KCNH7: variants seen among roughly 807,000 people sequenced by gnomAD.
KCNH7 encodes the protein voltage-gated inwardly rectifying potassium channel KCNH7.
A neutral mutation model predicts 120.8 loss-of-function variants in KCNH7; 49 were observed. That is an observed-to-expected ratio of 0.41 (90% CI 0.32 to 0.51). KCNH7 has a LOEUF of 0.51. Among genes scored for constraint, KCNH7 ranks in the 20% least tolerant of loss-of-function variants. The probability of loss-of-function intolerance (pLI) is 0.38; values close to 1 mark genes in which losing one functional copy is unlikely to be tolerated. For missense variants in KCNH7, 1,097 were observed against 1,446.6 expected (o/e 0.76, Z 3.92); for synonymous variants, 547 against 516.1 (o/e 1.06, Z -0.81).
At chr2:162,748,094 GCACTAAA>G in intron 2 of KCNH7, among the ~76,000 whole-genome samples, 1 of 152,228 alleles carries the variant, frequency 6.6e-6, no homozygotes, top group Non-Finnish European at 1.5e-5. Context: ...TCTTTAAAAA[GCACTAAA>G]CACTAAACAC....
rs375497938 is a variant in KCNH7, at chr2:162,789,396, C to T, written c.307+47141G>A. ...TATAACTGAAGGGAGAAGTAAACAGCAATACAATAATAGTAGAAGACTTTA... is the reference window on the plus strand; with the variant it reads ...TATAACTGAAGGGAGAAGTAAACAGTAATACAATAATAGTAGAAGACTTTA... On this transcript the variant is annotated intron_variant, in intron 2 of 15. Coordinates refer to ENST00000332142, the MANE Select transcript of KCNH7 (RefSeq NM_033272.4). Among the ~76,000 whole-genome samples, 4 of 151,832 alleles carry T rather than the reference C, an allele frequency of 2.6e-5. No individual in the cohort carries two copies. The South Asian group carries it at 8.3e-4, about 32-fold the overall frequency.
chr2:162,594,438 A>T (rs1218110012), intron 2 of KCNH7, among the ~76,000 whole-genome samples: 1 of 151,990 alleles, frequency 6.6e-6, no homozygotes, highest in Non-Finnish European at 1.5e-5. Context: ...TAAAACAGAG[A>T]CTACTTCCAA....
intron 2 of KCNH7, among the ~76,000 whole-genome samples, chr2:162,798,723 T>A (rs1434895252): frequency 6.6e-6 from 1 of 152,038 alleles, no homozygotes; most frequent in East Asian, 1.9e-4. Flanking sequence ...TAAAACTGTA[T>A]CTTAAAAAGA....
At chr2:162,601,246 T>C (rs1241034561) in intron 2 of KCNH7, among the ~76,000 whole-genome samples, 1 of 151,904 alleles carries the variant, frequency 6.6e-6, no homozygotes, top group East Asian at 1.9e-4. Context: ...GGGCAAATAC[T>C]ATCAGCAGAC....
At chr2:162,651,976 ATTC>A (rs1684582367) in intron 2 of KCNH7, among the ~76,000 whole-genome samples, 1 of 152,120 alleles carries the variant, frequency 6.6e-6, no homozygotes, top group Admixed American at 6.5e-5. Flanking sequence ...TTTTTTTCAT[ATTC>A]TTCTTGGCCA....
intron 2 of KCNH7, among the ~76,000 whole-genome samples, chr2:162,807,753 G>T (rs1684601255): frequency 2.0e-5 from 3 of 151,926 alleles, no homozygotes; most frequent in Middle Eastern, 6.8e-3. Flanking sequence ...CGCAATCTCG[G>T]CTCACTGCAA....
intron 9 of KCNH7, among the ~76,000 whole-genome samples, chr2:162,417,662 T>C (rs1408084250): frequency 6.6e-6 from 1 of 152,144 alleles, no homozygotes; most frequent in Non-Finnish European, 1.5e-5. Flanking sequence ...TTTCTTGACT[T>C]AAGATGGGCT....
chr2:162,444,291 G>A (rs1403658062), intron 7 of KCNH7, among the ~76,000 whole-genome samples: 1 of 152,064 alleles, frequency 6.6e-6, no homozygotes, highest in African/African-American at 2.4e-5. Context: ...GACAGTGGCT[G>A]TCACTTTGAA....
At chr2:162,387,704 A>G (rs1175332551) in intron 12 of KCNH7, among the ~76,000 whole-genome samples, 1 of 151,612 alleles carries the variant, frequency 6.6e-6, no homozygotes, top group East Asian at 1.9e-4. Flanking sequence ...TTTTTACAGA[A>G]CACAATTCTA....
intron 2 of KCNH7, among the ~76,000 whole-genome samples, chr2:162,822,335 G>T (rs1209089776): frequency 6.6e-6 from 1 of 151,774 alleles, no homozygotes; most frequent in Non-Finnish European, 1.5e-5. Flanking sequence ...TGGGTACCTG[G>T]AGCTGTTTTA....
At chr2:162,573,286 C>T (rs900373069) in intron 2 of KCNH7, among the ~76,000 whole-genome samples, 1 of 151,932 alleles carries the variant, frequency 6.6e-6, no homozygotes, top group African/African-American at 2.4e-5. Flanking sequence ...GTGAGAACAT[C>T]AAGGGTAAGA....
intron 2 of KCNH7, among the ~76,000 whole-genome samples, chr2:162,683,710 G>T (rs539701042): frequency 6.6e-6 from 1 of 151,844 alleles, no homozygotes; most frequent in South Asian, 2.1e-4. Context: ...TTTAGTACTT[G>T]TTGGGTGCCT....
intron 2 of KCNH7, among the ~76,000 whole-genome samples, chr2:162,564,401 G>A (rs912862060): frequency 4.6e-5 from 7 of 152,148 alleles, no homozygotes; most frequent in Non-Finnish European, 8.8e-5. Flanking sequence ...TGTTACATTT[G>A]CAGAATTCTT....
intron 2 of KCNH7, among the ~76,000 whole-genome samples, chr2:162,703,607 T>C (rs957057470): frequency 7.2e-5 from 11 of 152,176 alleles, no homozygotes; most frequent in African/African-American, 2.7e-4. Context: ...ACGGAGAATG[T>C]TAAACATTGT....
intron 2 of KCNH7, among the ~76,000 whole-genome samples, chr2:162,692,271 A>G (rs1029910083): frequency 2.6e-5 from 4 of 151,956 alleles, no homozygotes; most frequent in African/African-American, 9.7e-5. Context: ...GACAATAGGC[A>G]CACGCCACCA....
At chr2:162,395,156 T>C (rs1204789314) in intron 11 of KCNH7, among the ~76,000 whole-genome samples, 2 of 151,980 alleles carry the variant, frequency 1.3e-5, no homozygotes, top group African/African-American at 2.4e-5. Flanking sequence ...TAATAAATAG[T>C]AGGCTATCAG....
intron 2 of KCNH7, among the ~76,000 whole-genome samples, chr2:162,566,014 A>G (rs1693237821): frequency 6.6e-6 from 1 of 152,048 alleles, no homozygotes; most frequent in African/African-American, 2.4e-5. Context: ...ATATTATTTT[A>G]TGTTTTAAGA....
intron 2 of KCNH7, among the ~76,000 whole-genome samples, chr2:162,744,861 C>A (rs963591966): frequency 1.3e-5 from 2 of 152,196 alleles, no homozygotes; most frequent in African/African-American, 4.8e-5. Context: ...GCGTGAGCCA[C>A]CGCGCCCGGC....
rs138862579 is a variant in KCNH7 at position 162,438,449 on chromosome 2, A to G, written c.1555-2852T>C. Among the ~76,000 whole-genome samples the G allele has an allele frequency of 4.1e-4, 63 of 152,300 alleles. 1 individual carries two copies. The East Asian group carries it at 0.012, about 29-fold the overall frequency. ...CAAGTGACATCATTTCTGGAAAAAG[A>G]AAGTTTAAGATATATGGGACATGTT... On this transcript the variant is annotated intron_variant, in intron 7 of 15. Transcript: ENST00000332142.
Sources: allele counts gnomAD v4.1 joint callset (sites outside exome capture counted in the v4.1 genomes callset), GRCh38; gene constraint gnomAD v4.1.1; transcripts MANE v1.5; gene names NCBI Gene and HGNC (gene_info 2026-07-23, HGNC 2026-07-21).